IVD: variants seen among roughly 807,000 people sequenced by gnomAD.
IVD encodes the protein isovaleryl-CoA dehydrogenase, mitochondrial.
In IVD, 31 loss-of-function variants were observed where a neutral mutation model predicts 51.3. The ratio of observed to expected loss-of-function variants is 0.60; its 90% confidence interval spans 0.45 to 0.81. The LOEUF (loss-of-function observed/expected upper bound fraction) is 0.81, where lower values mean the gene tolerates loss of function less well. Among genes scored for constraint, IVD ranks in the 40% least tolerant of loss-of-function variants. The probability of loss-of-function intolerance (pLI) is 0.00; values close to 1 mark genes in which losing one functional copy is unlikely to be tolerated. For missense variants in IVD, 475 were observed against 552.0 expected (o/e 0.86, Z 1.40); for synonymous variants, 205 against 219.4 (o/e 0.93, Z 0.58).
intron 7 of IVD, among the ~76,000 whole-genome samples, chr15:40,431,133 T>C (rs1892947656): frequency 6.6e-6 from 1 of 151,910 alleles, no homozygotes; most frequent in Non-Finnish European, 1.5e-5. Context: ...TTACGCTTTT[T>C]TTTTTTTTGT....
rs1393439893 is a variant in IVD at position 40,420,623 on chromosome 15, C to T, written c.*2360C>T. Reference sequence around the variant, plus strand: ...GTCTCAGCCTCCCTTTCCCAGATCTCCCAGTGAGTTTTAAAGGAAGCAGGG... The same window carrying T: ...GTCTCAGCCTCCCTTTCCCAGATCTTCCAGTGAGTTTTAAAGGAAGCAGGG... On this transcript the variant is annotated 3_prime_UTR_variant, in exon 12 of 12. Coordinates refer to ENST00000487418, the MANE Select transcript of IVD (RefSeq NM_002225.5). 6.1e-6 allele frequency: 6 copies of T among 987,394 alleles called. No homozygotes were observed. The highest frequency in any genetic ancestry group is 4.8e-6 in the Non-Finnish European group (4 of 830,114). 61.2% of individuals were successfully genotyped at this position (987,394 alleles called of 1,614,324 possible). A position where few individuals can be genotyped will look rare whatever the true frequency, so the allele number is the denominator to read the frequency against.
At chr15:40,433,940 T>C (rs1349789109) in intron 8 of IVD, 1 of 456,462 alleles carries the variant, frequency 2.2e-6, no homozygotes, top group African/African-American at 2.0e-5. Context: ...GGCATGAGAA[T>C]GCAACAGGGC....
chr15:40,406,949 C>T (rs978008988), intron 1 of IVD, among the ~76,000 whole-genome samples: 15 of 151,908 alleles, frequency 9.9e-5, no homozygotes, highest in Admixed American at 6.6e-4. Flanking sequence ...CCACAACGTC[C>T]GCCTCCCGGG....
Position 40,421,261 on chromosome 15 carries a change from G to A in IVD, c.*2998G>A, listed in dbSNP as rs1892275635. 1 of 983,796 alleles carries A rather than the reference G, an allele frequency of 1.0e-6. No individual in the cohort carries two copies. Among genetic ancestry groups the A allele is most frequent in the Non-Finnish European group, 1.2e-6 (1 of 829,552 alleles). The allele number at this position is 983,796 out of a possible 1,614,324, so 60.9% of individuals were successfully genotyped here. A position where few individuals can be genotyped will look rare whatever the true frequency, so the allele number is the denominator to read the frequency against. On this transcript the variant is annotated 3_prime_UTR_variant, in exon 12 of 12. Transcript: ENST00000487418. ...TGATTTCTTTCCTGGTTCTATATGTGAAGCAAAATAAATGTTTTAAAATTA... is the reference window on the plus strand; with the variant it reads ...TGATTTCTTTCCTGGTTCTATATGTAAAGCAAAATAAATGTTTTAAAATTA...
chr15:40,412,680 G>A (rs1891205302), intron 6 of IVD: 2 of 393,886 alleles, frequency 5.1e-6, no homozygotes, highest in South Asian at 4.4e-5. Flanking sequence ...TGTCTTGGAA[G>A]TAATGTCCCC....
chr15:40,416,871 T>G (rs1891747122), intron 11 of IVD, among the ~76,000 whole-genome samples: 1 of 152,060 alleles, frequency 6.6e-6, no homozygotes, highest in East Asian at 1.9e-4. Context: ...CACCCCCCTC[T>G]CATCCTCCCC....
At chr15:40,430,645 T>C (rs1892921804) in intron 7 of IVD, among the ~76,000 whole-genome samples, 1 of 152,014 alleles carries the variant, frequency 6.6e-6, no homozygotes, top group Non-Finnish European at 1.5e-5. Context: ...GCTGTGGTGA[T>C]GGATTAGCTA....
chr15:40,414,682 G>A, intron 7 of IVD: 3 of 713,470 alleles, frequency 4.2e-6, no homozygotes, highest in Non-Finnish European at 4.5e-6. Flanking sequence ...TGGCCTCGTG[G>A]ATGGGGTGGG....
downstream of IVD, among the ~76,000 whole-genome samples, chr15:40,429,125 C>A (rs958825329): frequency 6.6e-6 from 1 of 152,198 alleles, no homozygotes; most frequent in Non-Finnish European, 1.5e-5. Context: ...CCTGCTGCCC[C>A]ATGGAAACTT....
intron 11 of IVD, among the ~76,000 whole-genome samples, chr15:40,417,724 T>A (rs543757342): frequency 7.0e-4 from 106 of 152,322 alleles, no homozygotes; most frequent in Non-Finnish European, 1.3e-3. Flanking sequence ...AGTGCCTGTG[T>A]TCAAGTAACT....
Position 40,421,119 on chromosome 15 carries a change from G to A in IVD, c.*2856G>A. 1.0e-6 allele frequency: 1 copy of A among 985,484 alleles called. No homozygotes were observed. Among genetic ancestry groups the A allele is most frequent in the Non-Finnish European group, 1.2e-6 (1 of 829,968 alleles). The allele number at this position is 985,484 out of a possible 1,614,324, so 61.0% of individuals were successfully genotyped here. On this transcript the variant is annotated 3_prime_UTR_variant, in exon 12 of 12. Transcript: ENST00000487418. ...GCTCCCTGCTATGTTGGAGATGAATGTGACTAAAAGGGCCATCTTGCTGGC... is the reference window on the plus strand; with the variant it reads ...GCTCCCTGCTATGTTGGAGATGAATATGACTAAAAGGGCCATCTTGCTGGC...
At chr15:40,426,755 AG>A (rs1453577272), downstream of IVD, among the ~76,000 whole-genome samples, 2 of 152,232 alleles carry the variant, frequency 1.3e-5, no homozygotes, top group South Asian at 2.1e-4. Context: ...GTTGAATGCC[AG>A]CCCCAGGGCT....
rs369694967 is a variant in IVD at position 40,413,100 on chromosome 15, G to A, written c.784+13G>A. 3.8e-5 allele frequency: 61 copies of A among 1,593,860 alleles called. No individual in the cohort carries two copies. The East Asian group carries it at 4.5e-4, about 12-fold the overall frequency. The stretch of plus-strand genomic sequence containing the variant: ...TGCAAGATTCCTGGTAAGTAGCACC[G>A]GGAATCGGGGAGCCCCTCTCCTGAC... On this transcript the variant is annotated intron_variant, in intron 7 of 11. Transcript: ENST00000487418.
downstream of IVD, among the ~76,000 whole-genome samples, chr15:40,427,563 G>T (rs187019195): frequency 1.2e-4 from 18 of 152,336 alleles, no homozygotes; most frequent in African/African-American, 3.8e-4. Context: ...CAGGAATAGA[G>T]TAGCAAAATC....
At chr15:40,426,133 T>C (rs1765273797), downstream of IVD, among the ~76,000 whole-genome samples, 1 of 152,096 alleles carries the variant, frequency 6.6e-6, no homozygotes, top group South Asian at 2.1e-4. Context: ...AGGACTGTAA[T>C]CTCTTCAATT....
Position 40,413,102 on chromosome 15 carries a change from G to C in IVD, c.784+15G>C, listed in dbSNP as rs1431543423. On this transcript the variant is annotated intron_variant, in intron 7 of 11. Transcript: ENST00000487418. ...CAAGATTCCTGGTAAGTAGCACCGG[G>C]AATCGGGGAGCCCCTCTCCTGACCC... 5 of 1,599,022 alleles carry C rather than the reference G, an allele frequency of 3.1e-6. No individual in the cohort carries two copies. Among genetic ancestry groups the C allele is most frequent in the East Asian group, 2.2e-5 (1 of 44,828 alleles).
At position 40,420,334 on chromosome 15, in the gene IVD, G is replaced by A. The variant is rs193199905; in HGVS notation, c.*2071G>A. The A allele has an allele frequency of 6.1e-6, 6 of 987,672 alleles. No individual in the cohort carries two copies. Among genetic ancestry groups the A allele is most frequent in the South Asian group, 4.7e-5 (1 of 21,380 alleles). 61.2% of individuals were successfully genotyped at this position (987,672 alleles called of 1,614,324 possible). ...TACCCGAGCAGGCCGGAGTTGGCTC[G>A]CATGACTCCAGCTGAGGCTGCCTGT... On this transcript the variant is annotated 3_prime_UTR_variant, in exon 12 of 12. Transcript: ENST00000487418.
At position 40,405,859 on chromosome 15, in the gene IVD, G is replaced by A; in HGVS notation, c.32G>A (p.Arg11His). MATATRLLGW[R>H]VASWRLRPPL... Reference sequence around the variant, plus strand: ...ACTGCGACTCGGCTGCTGGGGTGGCGTGTGGCGAGCTGGAGGCTGCGGCCG... The same window carrying A: ...ACTGCGACTCGGCTGCTGGGGTGGCATGTGGCGAGCTGGAGGCTGCGGCCG... The change falls in exon 1 of 12, where the codon CGT (arginine) becomes CAT (histidine). Residue 11 changes from arginine (R) to histidine (H), a missense_variant. Coordinates refer to ENST00000487418, the MANE Select transcript of IVD (RefSeq NM_002225.5). 2 of 1,613,066 alleles carry A rather than the reference G, an allele frequency of 1.2e-6. No individual in the cohort carries two copies. The highest frequency in any genetic ancestry group is 8.5e-7 in the Non-Finnish European group (1 of 1,179,546).
intron 11 of IVD, 144 bp from the exon 12 acceptor site, chr15:40,417,986 A>G: frequency 9.2e-7 from 1 of 1,087,634 alleles, no homozygotes; most frequent in Non-Finnish European, 1.3e-6. Context: ...TGTATTCCCC[A>G]CACCCCTCCC....
Sources: gnomAD v4.1 joint callset for allele counts (sites outside exome capture counted in the v4.1 genomes callset) on GRCh38, gnomAD v4.1.1 for gene constraint, MANE v1.5 for transcripts, NCBI Gene and HGNC (gene_info 2026-07-23, HGNC 2026-07-21) for gene names.